The following POLR3B variants were observed in gnomAD, a reference collection of about 807,000 sequenced individuals.
POLR3B encodes RNA polymerase III subunit B.
Under a neutral mutation model 147.4 loss-of-function variants are expected in POLR3B, and 96 were observed. The ratio of observed to expected loss-of-function variants is 0.65; its 90% confidence interval spans 0.55 to 0.77. The LOEUF (loss-of-function observed/expected upper bound fraction) is 0.77. Ranked by LOEUF, POLR3B falls within the 30% of genes least tolerant of loss-of-function variation. POLR3B has a pLI of 0.00. For synonymous variants in POLR3B, 461 were observed against 485.9 expected (o/e 0.95, Z 0.67); for missense variants, 1,036 against 1,413.5 (o/e 0.73, Z 4.28).
At chr12:106,364,088 C>A (rs2036501161) in intron 2 of POLR3B, among the ~76,000 whole-genome samples, 186 bp downstream of exon 2, 1 of 152,122 alleles carries the variant, frequency 6.6e-6, no homozygotes, top group African/African-American at 2.4e-5. Flanking sequence ...GAGTGGTAGT[C>A]TAATTTTAGA....
At chr12:106,404,529 G>A (rs2037123588) in intron 10 of POLR3B, among the ~76,000 whole-genome samples, 1 of 152,122 alleles carries the variant, frequency 6.6e-6, no homozygotes, top group Non-Finnish European at 1.5e-5. Context: ...ATGATGTTGA[G>A]CCCTTATGTG....
chr12:106,362,759 A>G (rs1357602450), intron 1 of POLR3B, among the ~76,000 whole-genome samples: 1 of 152,176 alleles, frequency 6.6e-6, no homozygotes, highest in Non-Finnish European at 1.5e-5. Flanking sequence ...ACTTTAGCAT[A>G]TGAATTTTGA....
At chr12:106,406,221 G>A (rs1481068802) in intron 11 of POLR3B, among the ~76,000 whole-genome samples, 1 of 151,872 alleles carries the variant, frequency 6.6e-6, no homozygotes, top group Non-Finnish European at 1.5e-5. Flanking sequence ...TTAAATTATT[G>A]TTATTTTATA....
chr12:106,428,925 A>T (rs2037471646), intron 13 of POLR3B, among the ~76,000 whole-genome samples: 1 of 152,208 alleles, frequency 6.6e-6, no homozygotes, highest in Non-Finnish European at 1.5e-5. Flanking sequence ...TTTTAATGCA[A>T]ACAGATCATC....
intron 6 of POLR3B, among the ~76,000 whole-genome samples, chr12:106,370,071 C>T (rs745428621): frequency 6.6e-5 from 10 of 152,032 alleles, no homozygotes; most frequent in Non-Finnish European, 1.2e-4. Context: ...TACTTATTTG[C>T]CTGGTACAAG....
At chr12:106,483,569 T>TA (rs1199030753) in intron 23 of POLR3B, among the ~76,000 whole-genome samples, 2 of 152,228 alleles carry the variant, frequency 1.3e-5, no homozygotes, top group Non-Finnish European at 2.9e-5. Context: ...AATAGAATCT[T>TA]AGAGTTTGAA....
intron 9 of POLR3B, among the ~76,000 whole-genome samples, chr12:106,383,762 G>C (rs755534851): frequency 6.6e-6 from 1 of 152,078 alleles, no homozygotes; most frequent in African/African-American, 2.4e-5. Context: ...GGGATCATTT[G>C]AGGTCAGGAG....
chr12:106,428,805 G>A (rs1216596052), intron 13 of POLR3B, among the ~76,000 whole-genome samples: 1 of 151,966 alleles, frequency 6.6e-6, no homozygotes, highest in East Asian at 1.9e-4. Flanking sequence ...GGGTTTCTTA[G>A]AGTTTAGCTC....
chr12:106,413,423 C>T (rs561738479), intron 12 of POLR3B, among the ~76,000 whole-genome samples: 1 of 152,080 alleles, frequency 6.6e-6, no homozygotes, highest in South Asian at 2.1e-4. Flanking sequence ...AAATATTTCA[C>T]CTCCTTCTGC....
At chr12:106,485,464 A>C (rs2038324273) in intron 23 of POLR3B, among the ~76,000 whole-genome samples, 1 of 152,186 alleles carries the variant, frequency 6.6e-6, no homozygotes, top group South Asian at 2.1e-4. Flanking sequence ...TGGAACGGGC[A>C]AGGAAGGGGG....
intron 24 of POLR3B, 97 bp from the exon 25 acceptor site, chr12:106,496,655 T>C (rs1406785949): frequency 3.9e-6 from 4 of 1,026,730 alleles, no homozygotes; most frequent in Non-Finnish European, 6.0e-6. Context: ...ATTACTGTTA[T>C]TAATAGTGGT....
At chr12:106,369,414 T>C in intron 5 of POLR3B, 64 bp downstream of exon 5, 7 of 1,025,140 alleles carry the variant, frequency 6.8e-6, no homozygotes, top group South Asian at 2.5e-5. Flanking sequence ...CCTTAATATA[T>C]ACTCTTAAAA....
intron 9 of POLR3B, among the ~76,000 whole-genome samples, chr12:106,388,661 G>A (rs1416915070): frequency 6.6e-6 from 1 of 152,138 alleles, no homozygotes; most frequent in Non-Finnish European, 1.5e-5. Context: ...GTTAGAGAGG[G>A]CTATCACAGT....
At chr12:106,358,144 A>G (rs898264478) in intron 1 of POLR3B, 193 bp downstream of exon 1, 3 of 1,458,796 alleles carry the variant, frequency 2.1e-6, no homozygotes, top group Non-Finnish European at 9.0e-7. Context: ...GTGAAGGCTG[A>G]TCCCAGAGGA....
At chr12:106,381,984 C>CGCTAGTAG (rs2036769919) in intron 9 of POLR3B, 1 of 152,196 alleles carries the variant, frequency 6.6e-6, no homozygotes, top group African/African-American at 2.4e-5. Flanking sequence ...ACTGTCACTG[C>CGCTAGTAG]GCTAGTAGGA....
intron 23 of POLR3B, among the ~76,000 whole-genome samples, chr12:106,482,418 A>T (rs935424721): frequency 6.6e-6 from 1 of 152,230 alleles, no homozygotes; most frequent in Non-Finnish European, 1.5e-5. Context: ...TACAGGAAGC[A>T]TGGCTAGGGA....
rs141088567 is a variant in POLR3B at position 106,498,109 on chromosome 12, G to A, written c.2984+1191G>A. ...TATAGCTCTCACCAAAATGAAGACA[G>A]AGTGGGTGAGAAGGCCCTGTGAGGA... On this transcript the variant is annotated intron_variant, in intron 25 of 27. Coordinates refer to ENST00000228347, the MANE Select transcript of POLR3B (RefSeq NM_018082.6). Among the ~76,000 whole-genome samples, 695 of 152,344 alleles carry A rather than the reference G, an allele frequency of 4.6e-3. 4 individuals carry two copies. Among genetic ancestry groups the A allele is most frequent in the African/African-American group, 0.016 (656 of 41,584 alleles).
chr12:106,404,475 A>G (rs2037123118), intron 10 of POLR3B, among the ~76,000 whole-genome samples: 1 of 152,188 alleles, frequency 6.6e-6, no homozygotes, highest in African/African-American at 2.4e-5. Context: ...TAATGGGTGT[A>G]TAGTGGTATC....
chr12:106,477,517 C>G (rs1205128171), intron 23 of POLR3B, among the ~76,000 whole-genome samples: 1 of 150,726 alleles, frequency 6.6e-6, no homozygotes. Flanking sequence ...ATCAGCGAGA[C>G]TCCGTGGGCG....
Sources: allele counts gnomAD v4.1 joint callset (sites outside exome capture counted in the v4.1 genomes callset), GRCh38; gene constraint gnomAD v4.1.1; transcripts MANE v1.5; gene names NCBI Gene and HGNC (gene_info 2026-07-23, HGNC 2026-07-21).